The following MYOF variants were observed in gnomAD, a reference collection of about 807,000 sequenced individuals.
MYOF encodes the protein myoferlin.
MYOF carries 244 observed loss-of-function variants against 284.2 expected under a neutral mutation model. The observed-to-expected ratio is 0.86, with a 90% CI of 0.77 to 0.95. The LOEUF (loss-of-function observed/expected upper bound fraction) is 0.95, where lower values mean the gene tolerates loss of function less well. Among genes scored for constraint, MYOF ranks in the 40% least tolerant of loss-of-function variants. MYOF has a pLI of 0.00. For synonymous variants in MYOF, 904 were observed against 919.7 expected (o/e 0.98, Z 0.31); for missense variants, 2,496 against 2,560.6 (o/e 0.97, Z 0.54).
chr10:93,336,125 GTGGGCCTGA>G, intron 40 of MYOF, 79 bp from the exon 41 acceptor site: 2 of 1,521,916 alleles, frequency 1.3e-6, no homozygotes, highest in Non-Finnish European at 1.8e-6. Context: ...ACAGTATCAA[GTGGGCCTGA>G]GGTTGTGGAT....
intron 1 of MYOF, among the ~76,000 whole-genome samples, chr10:93,470,766 G>A (rs2057128458): frequency 1.3e-5 from 2 of 152,294 alleles, no homozygotes; most frequent in South Asian, 4.1e-4. Flanking sequence ...CATGTGGGCA[G>A]GGCCAAACTT....
At chr10:93,336,363 G>T (rs1405120160) in intron 40 of MYOF, among the ~76,000 whole-genome samples, 1 of 152,164 alleles carries the variant, frequency 6.6e-6, no homozygotes, top group Non-Finnish European at 1.5e-5. Context: ...ATAACTTGTG[G>T]CATATCCACA....
At chr10:93,382,860 C>T (rs962783028) in intron 19 of MYOF, among the ~76,000 whole-genome samples, 7 of 152,128 alleles carry the variant, frequency 4.6e-5, no homozygotes, top group Non-Finnish European at 8.8e-5. Context: ...CCAGTCTCTG[C>T]GTTCAATTAT....
intron 5 of MYOF, among the ~76,000 whole-genome samples, chr10:93,420,256 A>G (rs1327414295): frequency 6.6e-6 from 1 of 152,212 alleles, no homozygotes; most frequent in Non-Finnish European, 1.5e-5. Flanking sequence ...TCAAAAATAG[A>G]CGTGAGATTT....
chr10:93,467,331 A>C, intron 1 of MYOF, among the ~76,000 whole-genome samples: 1 of 109,830 alleles, frequency 9.1e-6, no homozygotes, highest in South Asian at 3.6e-4. Context: ...CCGACCCCAC[A>C]ACAGTCGCCA....
At chr10:93,338,054 T>C in intron 39 of MYOF, 141 bp from the exon 40 acceptor site, 1 of 667,326 alleles carries the variant, frequency 1.5e-6, no homozygotes, top group Admixed American at 2.5e-5. Context: ...TTTGTTTACA[T>C]GCACAATGGA....
chr10:93,452,161 G>T lies in MYOF; in HGVS notation c.145-20C>A. 6.6e-7 allele frequency: 1 copy of T among 1,506,736 alleles called. No individual in the cohort carries two copies. Among genetic ancestry groups the T allele is most frequent in the Non-Finnish European group, 9.1e-7 (1 of 1,099,472 alleles). The allele number at this position is 1,506,736 out of a possible 1,614,324, so 93.3% of individuals were successfully genotyped here. ...CAAAATCTGTTCACAGAAAGGTTTT[G>T]AAAAAAGAGAAAAAAAAAGGCTGTT... On this transcript the variant is annotated intron_variant, in intron 2 of 53. Transcript: ENST00000359263.
At chr10:93,332,703 C>A (rs940719029) in intron 43 of MYOF, among the ~76,000 whole-genome samples, 4 of 151,794 alleles carry the variant, frequency 2.6e-5, no homozygotes. Flanking sequence ...AAAAATTAGC[C>A]GGGCGTGGTG....
chr10:93,469,311 G>T (rs1274573482), intron 1 of MYOF, among the ~76,000 whole-genome samples: 3 of 151,844 alleles, frequency 2.0e-5, no homozygotes, highest in Admixed American at 6.6e-5. Context: ...TGAGGCAGGA[G>T]AATTACTTGA....
At chr10:93,452,185 T>C in intron 2 of MYOF, 44 bp from the exon 3 acceptor site, 1 of 1,340,694 alleles carries the variant, frequency 7.5e-7, no homozygotes, top group Non-Finnish European at 1.1e-6. Flanking sequence ...AAAAAGGCTG[T>C]TAGAAGGAGC....
intron 27 of MYOF, among the ~76,000 whole-genome samples, chr10:93,362,020 C>T (rs938092592): frequency 1.3e-4 from 20 of 149,118 alleles, no homozygotes; most frequent in Admixed American, 1.3e-3. Context: ...GTAATCTCGG[C>T]TCACTGCAAC....
intron 53 of MYOF, among the ~76,000 whole-genome samples, chr10:93,307,604 C>T (rs1842175149): frequency 6.6e-6 from 1 of 150,556 alleles, no homozygotes; most frequent in Non-Finnish European, 1.5e-5. Flanking sequence ...CCTGCAGTAA[C>T]CACTGGTTTA....
At chr10:93,432,768 C>T (rs1589561421) in intron 3 of MYOF, among the ~76,000 whole-genome samples, 1 of 152,198 alleles carries the variant, frequency 6.6e-6, no homozygotes, top group East Asian at 1.9e-4. Flanking sequence ...TGTCTCTGCT[C>T]ATGAGGAAAG....
chr10:93,332,149 T>C (rs1843335577), intron 43 of MYOF, among the ~76,000 whole-genome samples: 1 of 152,038 alleles, frequency 6.6e-6, no homozygotes, highest in African/African-American at 2.4e-5. Flanking sequence ...AAGTTTGACA[T>C]GGAGATGGAA....
chr10:93,339,367 T>TTGTGTGTGTG (rs35070199), intron 39 of MYOF, among the ~76,000 whole-genome samples: 4,267 of 150,240 alleles, frequency 0.028, 66 homozygotes, highest in East Asian at 0.054. Context: ...TGCTTCTTAT[T>TTGTGTGTGTG]TGTGTGTGTG....
At chr10:93,319,834 A>C in intron 49 of MYOF, 38 bp downstream of exon 49, 1 of 1,613,484 alleles carries the variant, frequency 6.2e-7, no homozygotes, top group East Asian at 2.2e-5. Context: ...AGGAAGATCC[A>C]TGATACCCAC....
chr10:93,408,865 C>T lies in MYOF; in HGVS notation c.651G>A (p.Arg217=). The T allele has an allele frequency of 1.2e-6, 2 of 1,614,188 alleles. No individual in the cohort carries two copies. The highest frequency in any genetic ancestry group is 1.7e-6 in the Non-Finnish European group (2 of 1,180,040). ...CACAGACGTGAACTTTGACCACAGG[C>T]CTTATGTTGTTACCACTTAACTGTC... ...EGRQLSGNNI[R]PVVKVHVCGQ... Residue 217 remains arginine (R), a synonymous_variant, in exon 7 of 54, where the codon AGG becomes AGA. Transcript: ENST00000359263.
chr10:93,415,131 C>T (rs995290752), intron 5 of MYOF, among the ~76,000 whole-genome samples: 1 of 152,126 alleles, frequency 6.6e-6, no homozygotes, highest in African/African-American at 2.4e-5. Context: ...CACTGCCTTC[C>T]CTGCACCCCA....
At chr10:93,344,357 C>A (rs935955351) in intron 37 of MYOF, among the ~76,000 whole-genome samples, 3 of 152,072 alleles carry the variant, frequency 2.0e-5, no homozygotes, top group Non-Finnish European at 4.4e-5. Flanking sequence ...TGTAGTGCAC[C>A]TGTCACCTGA....
Sources: allele counts gnomAD v4.1 joint callset (sites outside exome capture counted in the v4.1 genomes callset), GRCh38; gene constraint gnomAD v4.1.1; transcripts MANE v1.5; gene names NCBI Gene and HGNC (gene_info 2026-07-23, HGNC 2026-07-21).